The following KCTD3 variants were observed in gnomAD, a reference collection of about 807,000 sequenced individuals.
KCTD3 encodes the protein potassium channel tetramerization domain containing 3, also known as BTB/POZ domain-containing protein KCTD3.
A neutral mutation model predicts 85.8 loss-of-function variants in KCTD3; 41 were observed. That is an observed-to-expected ratio of 0.48 (90% CI 0.37 to 0.62). The LOEUF is 0.62. KCTD3 is among the 20% of genes least tolerant of loss of function. KCTD3 has a pLI of 0.00. For missense variants in KCTD3, 724 were observed against 989.9 expected, an observed-to-expected ratio of 0.73 and a Z score of 3.60; for synonymous variants, 338 against 345.4, an observed-to-expected ratio of 0.98 and a Z score of 0.24.
intron 10 of KCTD3, among the ~76,000 whole-genome samples, chr1:215,599,525 A>G (rs1654746586): frequency 1.3e-5 from 2 of 152,156 alleles, no homozygotes; most frequent in Non-Finnish European, 1.5e-5. Context: ...TAAGAGAAAA[A>G]TCCACTTCCA....
intron 15 of KCTD3, among the ~76,000 whole-genome samples, chr1:215,615,652 G>C (rs1571901999): frequency 6.6e-6 from 1 of 151,918 alleles, no homozygotes; most frequent in East Asian, 1.9e-4. Context: ...CTGCATAGGG[G>C]GAAAAAAGTT....
intron 10 of KCTD3, among the ~76,000 whole-genome samples, chr1:215,597,102 T>C (rs1181986080): frequency 6.6e-6 from 1 of 152,176 alleles, no homozygotes; most frequent in Non-Finnish European, 1.5e-5. Flanking sequence ...AGATTTTAAG[T>C]ATTTGAGTCA....
chr1:215,596,751 G>A (rs1197381085), intron 10 of KCTD3, among the ~76,000 whole-genome samples: 1 of 152,092 alleles, frequency 6.6e-6, no homozygotes, highest in African/African-American at 2.4e-5. Context: ...ATCAAGGCTG[G>A]TTTGAAAAAA....
At chr1:215,618,009 T>G (rs1655522384) in intron 15 of KCTD3, 1 of 388,126 alleles carries the variant, frequency 2.6e-6, no homozygotes, top group Non-Finnish European at 5.5e-6. Context: ...CTGTGGCCAC[T>G]TCTTTGGACC....
intron 17 of KCTD3, 83 bp downstream of exon 17, chr1:215,619,374 C>T: frequency 8.6e-7 from 1 of 1,159,166 alleles, no homozygotes; most frequent in Admixed American, 2.2e-5. Context: ...CATAGTTGTT[C>T]TAGAAAGCCA....
intron 8 of KCTD3, among the ~76,000 whole-genome samples, chr1:215,583,544 C>T (rs1659901928): frequency 6.6e-6 from 1 of 152,146 alleles, no homozygotes; most frequent in African/African-American, 2.4e-5. Context: ...TTACCTTGTG[C>T]TGACCTTCCT....
At chr1:215,594,604 T>C (rs565204315) in intron 9 of KCTD3, among the ~76,000 whole-genome samples, 1 of 152,336 alleles carries the variant, frequency 6.6e-6, no homozygotes, top group South Asian at 2.1e-4. Flanking sequence ...GATACTATTA[T>C]ACCCTGTGCA....
chr1:215,593,670 G>C (rs1449528653), intron 9 of KCTD3, among the ~76,000 whole-genome samples: 2 of 152,066 alleles, frequency 1.3e-5, no homozygotes, highest in African/African-American at 4.8e-5. Flanking sequence ...TGCTGACGAA[G>C]TTGTCTGTAT....
At chr1:215,578,691 AC>A (rs1659680513) in intron 6 of KCTD3, among the ~76,000 whole-genome samples, 1 of 152,212 alleles carries the variant, frequency 6.6e-6, no homozygotes, top group Admixed American at 6.5e-5. Flanking sequence ...TAATACCTGT[AC>A]CATAATTGTA....
At chr1:215,617,043 G>A (rs1348823144) in intron 15 of KCTD3, among the ~76,000 whole-genome samples, 2 of 152,094 alleles carry the variant, frequency 1.3e-5, no homozygotes, top group African/African-American at 4.8e-5. Flanking sequence ...CCTATATAAT[G>A]GAGCCATTAT....
chr1:215,603,258 T>A (rs1571892545), intron 12 of KCTD3, among the ~76,000 whole-genome samples: 1 of 151,832 alleles, frequency 6.6e-6, no homozygotes, highest in Admixed American at 6.6e-5. Flanking sequence ...AAAAATGGAG[T>A]CATCTTTCTG....
chr1:215,602,324 T>A (rs1403389333), intron 12 of KCTD3, 123 bp downstream of exon 12: 1 of 549,220 alleles, frequency 1.8e-6, no homozygotes, highest in Admixed American at 3.1e-5. Context: ...CCTAAGGATT[T>A]CATCTCTACT....
At chr1:215,576,058 T>G (rs1253256631) in intron 4 of KCTD3, 84 bp downstream of exon 4, 1 of 831,344 alleles carries the variant, frequency 1.2e-6, no homozygotes, top group East Asian at 2.8e-5. Context: ...AGGTTTTTTT[T>G]GTTTGTTTTT....
intron 1 of KCTD3, among the ~76,000 whole-genome samples, chr1:215,571,891 A>G (rs377609197): frequency 6.3e-4 from 96 of 152,330 alleles, no homozygotes; most frequent in African/African-American, 2.3e-3. Flanking sequence ...TCGGCCTCCC[A>G]AAGTGCTGGG....
intron 12 of KCTD3, among the ~76,000 whole-genome samples, chr1:215,602,811 A>G (rs1265925397): frequency 6.6e-6 from 1 of 152,236 alleles, no homozygotes; most frequent in East Asian, 1.9e-4. Flanking sequence ...TAATACTAAT[A>G]GGTTTGGATG....
chr1:215,604,539 A>G lies in KCTD3; in HGVS notation c.1309+237A>G, dbSNP rs531923096. Among the ~76,000 whole-genome samples, 17 of 152,226 alleles carry G rather than the reference A, an allele frequency of 1.1e-4. No homozygotes were observed. In the East Asian group the frequency reaches 3.3e-3, roughly 29 times the overall value. On this transcript the variant is annotated intron_variant, in intron 13 of 17. Coordinates refer to ENST00000259154, the MANE Select transcript of KCTD3 (RefSeq NM_016121.5). ...GGCAGGTGGATTGGTTTAGCCCAGG[A>G]GTTGAAGACTAGCCTGGGCAACATG...
chr1:215,574,110 A>T lies in KCTD3; in HGVS notation c.175A>T (p.Thr59Ser). Residue 59 changes from threonine (T) to serine (S), a missense_variant, in exon 3 of 18, where the codon ACT becomes TCT. Physicochemically the swap from Thr to Ser is moderately conservative, Grantham distance 58 (BLOSUM62 1). Transcript: ENST00000259154. Reference sequence around the variant, plus strand: ...GAGAATTTCAACACTTCGAGATGAAACTGGTGCTGTGAGTATAATAATAAT... The same window carrying T: ...GAGAATTTCAACACTTCGAGATGAATCTGGTGCTGTGAGTATAATAATAAT... The part of the protein sequence containing the change: ...SGRISTLRDE[T>S]GAIFIDRDPA... 1.9e-6 allele frequency: 3 copies of T among 1,580,120 alleles called. No individual in the cohort carries two copies. Among genetic ancestry groups the T allele is most frequent in the Non-Finnish European group, 2.6e-6 (3 of 1,155,478 alleles).
intron 14 of KCTD3, among the ~76,000 whole-genome samples, chr1:215,609,428 G>A (rs992796491): frequency 5.3e-5 from 8 of 152,006 alleles, no homozygotes; most frequent in African/African-American, 1.9e-4. Context: ...GAGTGAATAG[G>A]CCAGTGCCGG....
chr1:215,596,548 A>G (rs1387973100), intron 10 of KCTD3, among the ~76,000 whole-genome samples: 1 of 152,202 alleles, frequency 6.6e-6, no homozygotes, highest in Admixed American at 6.5e-5. Context: ...GACACATTAT[A>G]TGATGGAGAA....
Sources: gnomAD v4.1 joint callset for allele counts (sites outside exome capture counted in the v4.1 genomes callset) on GRCh38, gnomAD v4.1.1 for gene constraint, MANE v1.5 for transcripts, NCBI Gene and HGNC (gene_info 2026-07-23, HGNC 2026-07-21) for gene names.